The following NFKB1 variants were observed in gnomAD, a reference collection of about 807,000 sequenced individuals.
NFKB1 encodes the protein nuclear factor NF-kappa-B p105 subunit.
Under a neutral mutation model 105.1 loss-of-function variants are expected in NFKB1, and 9 were observed. That is an observed-to-expected ratio of 0.09 (90% CI 0.05 to 0.15). The LOEUF (loss-of-function observed/expected upper bound fraction) is 0.15, where lower values mean the gene tolerates loss of function less well. Among genes scored for constraint, NFKB1 ranks in the 10% least tolerant of loss-of-function variants. NFKB1 has a pLI of 1.00. For synonymous variants in NFKB1, 440 were observed against 442.2 expected, an observed-to-expected ratio of 1.00 and a Z score of 0.06; for missense variants, 830 against 1,203.7, an observed-to-expected ratio of 0.69 and a Z score of 4.59.
chr4:102,585,033 C>A (rs553179759), intron 11 of NFKB1, among the ~76,000 whole-genome samples: 1 of 152,086 alleles, frequency 6.6e-6, no homozygotes, highest in East Asian at 1.9e-4. Context: ...AGGTGTGCGC[C>A]ACCATGCCGG....
intron 19 of NFKB1, 37 bp from the exon 20 acceptor site, chr4:102,610,538 C>G: frequency 1.2e-6 from 2 of 1,605,006 alleles, no homozygotes; most frequent in South Asian, 1.1e-5. Context: ...TTGACAAGAT[C>G]TGGGTTTACC....
intron 5 of NFKB1, among the ~76,000 whole-genome samples, chr4:102,538,925 G>A (rs1244385336): frequency 6.6e-6 from 1 of 151,926 alleles, no homozygotes; most frequent in Non-Finnish European, 1.5e-5. Flanking sequence ...AGTAGAGCAG[G>A]CCCTCAGCAA....
At chr4:102,504,746 A>G (rs771166692) in intron 1 of NFKB1, among the ~76,000 whole-genome samples, 2 of 152,196 alleles carry the variant, frequency 1.3e-5, no homozygotes, top group African/African-American at 2.4e-5. Flanking sequence ...TCAAGAGCAT[A>G]TGATCTCTCT....
At position 102,554,617 on chromosome 4, in the gene NFKB1, A is replaced by G. The variant is rs188574761; in HGVS notation, c.259-12370A>G. Reference sequence around the variant, plus strand: ...ATATTTTTCAGTGACTCAGAAGCATAAACTGACACTGTGAAGTTAAGGCTG... The same window carrying G: ...ATATTTTTCAGTGACTCAGAAGCATGAACTGACACTGTGAAGTTAAGGCTG... On this transcript the variant is annotated intron_variant, in intron 5 of 23. Transcript: ENST00000226574. 6.2e-4 allele frequency among the ~76,000 whole-genome samples: 94 copies of G among 152,324 alleles called. 1 individual carries two copies. Among genetic ancestry groups the G allele is most frequent in the African/African-American group, 2.1e-3 (87 of 41,574 alleles).
At chr4:102,559,170 G>A (rs527758366) in intron 5 of NFKB1, among the ~76,000 whole-genome samples, 12 of 152,280 alleles carry the variant, frequency 7.9e-5, no homozygotes, top group African/African-American at 2.4e-4. Context: ...GAAAAAGGAC[G>A]GAGAGGACAT....
chr4:102,575,140 A>G (rs957195012), intron 6 of NFKB1, among the ~76,000 whole-genome samples: 2 of 152,202 alleles, frequency 1.3e-5, no homozygotes, highest in Non-Finnish European at 2.9e-5. Flanking sequence ...GCATTCCTTT[A>G]TCAACAGATA....
intron 1 of NFKB1, among the ~76,000 whole-genome samples, chr4:102,512,371 T>A (rs2149099195): frequency 6.6e-6 from 1 of 152,256 alleles, no homozygotes; most frequent in Non-Finnish European, 1.5e-5. Context: ...TGTTTTGAGA[T>A]GTGGTGTCGC....
At chr4:102,613,178 C>A (rs1728587062) in intron 22 of NFKB1, among the ~76,000 whole-genome samples, 1 of 152,176 alleles carries the variant, frequency 6.6e-6, no homozygotes, top group African/African-American at 2.4e-5. Context: ...GCGCTTCTCT[C>A]GCTGTCTCTC....
At chr4:102,613,309 C>A in intron 22 of NFKB1, 116 bp from the exon 23 acceptor site, 1 of 1,054,892 alleles carries the variant, frequency 9.5e-7, no homozygotes, top group Non-Finnish European at 1.4e-6. Context: ...CCATTTCCTC[C>A]TGGCTCCTGA....
intron 7 of NFKB1, chr4:102,578,130 C>T: frequency 3.5e-6 from 1 of 285,472 alleles, no homozygotes; most frequent in African/African-American, 2.3e-5. Context: ...TTTTTGCTCT[C>T]TCCTCTTCCT....
At chr4:102,529,118 T>TA (rs1356286894) in intron 2 of NFKB1, among the ~76,000 whole-genome samples, 8 of 152,292 alleles carry the variant, frequency 5.3e-5, no homozygotes, top group African/African-American at 1.9e-4. Flanking sequence ...CTTAATGACA[T>TA]ACGTAAATTT....
At chr4:102,525,912 C>T (rs1740879764) in intron 2 of NFKB1, among the ~76,000 whole-genome samples, 1 of 152,092 alleles carries the variant, frequency 6.6e-6, no homozygotes, top group Non-Finnish European at 1.5e-5. Flanking sequence ...AAGGTGTTGG[C>T]AGGGTTGGTT....
intron 17 of NFKB1, 129 bp downstream of exon 17, chr4:102,606,826 C>T (rs1384689148): frequency 2.0e-6 from 2 of 984,434 alleles, no homozygotes; most frequent in Admixed American, 2.5e-5. Context: ...AGTTCATCAT[C>T]TCTTTTGGGC....
intron 6 of NFKB1, among the ~76,000 whole-genome samples, chr4:102,575,096 A>G (rs1012619927): frequency 1.1e-4 from 17 of 152,182 alleles, no homozygotes; most frequent in Admixed American, 1.0e-3. Context: ...TAAGTATGTC[A>G]TGTTGCATAT....
chr4:102,577,298 T>C lies in NFKB1; in HGVS notation c.571+259T>C, dbSNP rs230542. ...TCCAGCCCACCTTGCATCCTCCTCT[T>C]GCCATCTCTGCTCTCTGAATAACTG... On this transcript the variant is annotated intron_variant, in intron 7 of 23. Coordinates refer to ENST00000226574, the MANE Select transcript of NFKB1 (RefSeq NM_003998.4). Among the ~76,000 whole-genome samples, 109,898 of 152,074 alleles carry C rather than the reference T, an allele frequency of 0.72. 41,072 individuals carry two copies. Among genetic ancestry groups the C allele is most frequent in the African/African-American group, 0.92 (38,182 of 41,516 alleles).
intron 5 of NFKB1, among the ~76,000 whole-genome samples, chr4:102,538,348 A>T (rs896362734): frequency 1.3e-5 from 2 of 152,260 alleles, no homozygotes; most frequent in Non-Finnish European, 2.9e-5. Context: ...ATTATTTAAG[A>T]TTATGAATTT....
intron 5 of NFKB1, among the ~76,000 whole-genome samples, chr4:102,564,294 G>A (rs1560676725): frequency 2.0e-5 from 3 of 152,188 alleles, no homozygotes; most frequent in Non-Finnish European, 4.4e-5. Flanking sequence ...TTTCTGAATC[G>A]ATTGCAAACA....
intron 11 of NFKB1, among the ~76,000 whole-genome samples, chr4:102,591,027 GA>G (rs1001001981): frequency 6.6e-6 from 1 of 152,034 alleles, no homozygotes; most frequent in Admixed American, 6.6e-5. Flanking sequence ...GGAGGCTGCA[GA>G]AAAAAAGTTG....
chr4:102,599,199 A>C (rs958714514), intron 15 of NFKB1, among the ~76,000 whole-genome samples: 2 of 152,226 alleles, frequency 1.3e-5, no homozygotes, highest in African/African-American at 4.8e-5. Flanking sequence ...GAGCAGTTTT[A>C]GAAGTATGAC....
Sources: gnomAD v4.1 joint callset for allele counts (sites outside exome capture counted in the v4.1 genomes callset) on GRCh38, gnomAD v4.1.1 for gene constraint, MANE v1.5 for transcripts, NCBI Gene and HGNC (gene_info 2026-07-23, HGNC 2026-07-21) for gene names.